The following ZNF541 variants were observed in gnomAD, a reference collection of about 807,000 sequenced individuals.
ZNF541 encodes the protein zinc finger protein 541.
A neutral mutation model predicts 123.5 loss-of-function variants in ZNF541; 23 were observed. That is an observed-to-expected ratio of 0.19 (90% CI 0.13 to 0.26). The LOEUF is 0.26. Ranked by LOEUF, ZNF541 falls within the 10% of genes least tolerant of loss-of-function variation. The probability of loss-of-function intolerance (pLI) is 1.00; values close to 1 mark genes in which losing one functional copy is unlikely to be tolerated. For synonymous variants in ZNF541, 751 were observed against 754.5 expected, an observed-to-expected ratio of 1.00 and a Z score of 0.08; for missense variants, 1,612 against 1,789.9, an observed-to-expected ratio of 0.90 and a Z score of 1.79.
intron 9 of ZNF541, among the ~76,000 whole-genome samples, chr19:47,534,974 CTTT>C: frequency 6.9e-6 from 1 of 144,510 alleles, no homozygotes; most frequent in African/African-American, 2.5e-5. Context: ...TTACAAAGCT[CTTT>C]TTTTTTTTTT....
In ZNF541 at chr19:47,544,727, G is replaced by A. The variant is rs1970245002; in HGVS notation, c.1802C>T (p.Pro601Leu). 6.7e-7 allele frequency: 1 copy of A among 1,502,128 alleles called. No individual in the cohort carries two copies. Among genetic ancestry groups the A allele is most frequent in the Non-Finnish European group, 8.9e-7 (1 of 1,127,832 alleles). 93.0% of individuals were successfully genotyped at this position (1,502,128 alleles called of 1,614,324 possible). A position where few individuals can be genotyped will look rare whatever the true frequency, so the allele number is the denominator to read the frequency against. ...RPLQGPWPQQ[P>L]PPLAPAVDSL... The stretch of plus-strand genomic sequence containing the variant: ...GTCCACAGCAGGAGCCAGTGGTGGG[G>A]GCTGCTGCGGCCACGGCCCCTGCAG... Residue 601 changes from proline to leucine, a missense_variant, in exon 5 of 17, where the codon CCC (proline) becomes CTC (leucine). Pro to Leu is a moderately conservative substitution (Grantham distance 98). Around this residue, in one of 5 missense-constraint regions of ZNF541, gnomAD observed 1,080 missense variants for 1,013.8 expected, o/e 1.07. Transcript: ENST00000391901.
In ZNF541 at chr19:47,521,421, G is replaced by A. The variant is rs113277372; in HGVS notation, c.3888-44C>T. The A allele has an allele frequency of 2.6e-6, 4 of 1,550,624 alleles. No homozygotes were observed. The African/African-American group carries it at 5.5e-5, about 21-fold the overall frequency. The stretch of plus-strand genomic sequence containing the variant: ...ACATGGGGTCAGAGCAGGGAGGAAG[G>A]GATCACAGGGGCTGAGGCTGGGAGC... On this transcript the variant is annotated intron_variant, in intron 16 of 16. Transcript: ENST00000391901. This position sits in a 1 kb window ranked among gnomAD's most constrained non-coding sequence, Gnocchi z 4.2.
rs1216657665 is a variant in ZNF541 at position 47,532,363 on chromosome 19, CCA to C, written c.3159-95_3159-94del. On this transcript the variant is annotated intron_variant, in intron 10 of 16. Transcript: ENST00000391901. ...ACGCTCTGTATGCCCTGCTCTTGGG[CCA>C]CAGCCTGCTCCATGGAAACCCTCTG... 6 of 1,408,078 alleles carry C rather than the reference CCA, an allele frequency of 4.3e-6. No homozygotes were observed. In the African/African-American group the frequency reaches 8.5e-5, roughly 20 times the overall value. 87.2% of individuals were successfully genotyped at this position (1,408,078 alleles called of 1,614,324 possible).
chr19:47,553,800 A>G (rs1039108758), intron 3 of ZNF541, among the ~76,000 whole-genome samples: 2 of 152,308 alleles, frequency 1.3e-5, no homozygotes, highest in South Asian at 4.1e-4. Flanking sequence ...TCAGCCTCCC[A>G]AAGTACTAGG....
At chr19:47,533,496 G>A (rs1343173915) in intron 9 of ZNF541, among the ~76,000 whole-genome samples, 1 of 148,220 alleles carries the variant, frequency 6.7e-6, no homozygotes, top group Non-Finnish European at 1.5e-5. Context: ...GCACACTAAA[G>A]TCTCTGGAAA....
chr19:47,531,243 G>C (rs867210535), intron 12 of ZNF541, among the ~76,000 whole-genome samples: 1 of 149,834 alleles, frequency 6.7e-6, no homozygotes, highest in Non-Finnish European at 1.5e-5. Flanking sequence ...GGGGGGGGGG[G>C]GGGGGGTCCT....
chr19:47,555,100 T>G (rs1320547388), intron 3 of ZNF541, among the ~76,000 whole-genome samples: 1 of 147,840 alleles, frequency 6.8e-6, no homozygotes, highest in Non-Finnish European at 1.5e-5. Context: ...CCGGGTGCGG[T>G]GGCTCATGCC....
At chr19:47,560,462 G>T (rs989224019) in intron 2 of ZNF541, among the ~76,000 whole-genome samples, 3 of 151,712 alleles carry the variant, frequency 2.0e-5, no homozygotes, top group Non-Finnish European at 2.9e-5. Context: ...TGTAATCCCA[G>T]CTGCTTGGGA....
chr19:47,541,604 C>A (rs1254349108), intron 5 of ZNF541, among the ~76,000 whole-genome samples: 1 of 152,110 alleles, frequency 6.6e-6, no homozygotes, highest in Admixed American at 6.6e-5. Flanking sequence ...AGGACCTGAA[C>A]AGACATTTCT....
At chr19:47,549,571 C>A in intron 3 of ZNF541, 86 bp from the exon 4 acceptor site, 1 of 1,512,060 alleles carries the variant, frequency 6.6e-7, no homozygotes. Context: ...CCTCTTAGAA[C>A]CATGGTGGCC....
intron 14 of ZNF541, among the ~76,000 whole-genome samples, chr19:47,526,162 A>G (rs1969284907): frequency 1.3e-5 from 2 of 152,256 alleles, no homozygotes; most frequent in Middle Eastern, 3.4e-3. Flanking sequence ...TCCTGAATCA[A>G]TAAAGAACTG....
In ZNF541 at chr19:47,521,056, G is replaced by T; in HGVS notation, c.*168C>A. On this transcript the variant is annotated 3_prime_UTR_variant, in exon 17 of 17. Coordinates refer to ENST00000391901, the MANE Select transcript of ZNF541 (RefSeq NM_001277075.3). The surrounding 1 kb of genome is among the most constrained non-coding windows in gnomAD (Gnocchi z 4.2). ...GACTGCATAGCTGTCCGACAACTGA[G>T]CTCCTCCTGCCTATCTGTGGCCAAA... The T allele has an allele frequency of 1.3e-6, 1 of 770,668 alleles. No individual in the cohort carries two copies. The highest frequency in any genetic ancestry group is 3.8e-4 in the Middle Eastern group (1 of 2,636). The allele number at this position is 770,668 out of a possible 1,614,324, so 47.7% of individuals were successfully genotyped here.
At chr19:47,528,098 T>C (rs1406063875) in intron 14 of ZNF541, among the ~76,000 whole-genome samples, 1 of 135,078 alleles carries the variant, frequency 7.4e-6, no homozygotes, top group Non-Finnish European at 1.6e-5. Context: ...GTGGATCACC[T>C]GAGGTCGGGG....
chr19:47,522,701 C>T (rs963581516), intron 14 of ZNF541, among the ~76,000 whole-genome samples: 11 of 148,714 alleles, frequency 7.4e-5, no homozygotes, highest in East Asian at 6.0e-4. Context: ...GATGCTGAGG[C>T]GAGATGATCG....
chr19:47,542,277 G>A (rs188071340), intron 5 of ZNF541, among the ~76,000 whole-genome samples: 8 of 152,254 alleles, frequency 5.3e-5, no homozygotes, highest in Admixed American at 4.6e-4. Flanking sequence ...TTCCTTTTGG[G>A]GAGATGAAAC....
At chr19:47,561,312 C>T (rs561500304) in intron 2 of ZNF541, among the ~76,000 whole-genome samples, 3 of 152,054 alleles carry the variant, frequency 2.0e-5, no homozygotes, top group African/African-American at 7.2e-5. Context: ...GTGGCACATG[C>T]TTGTGGTTTC....
At chr19:47,530,410 A>C (rs1969512981) in intron 12 of ZNF541, among the ~76,000 whole-genome samples, 1 of 145,318 alleles carries the variant, frequency 6.9e-6, no homozygotes, top group Admixed American at 7.1e-5. Flanking sequence ...TCTCGAACTC[A>C]CGACCTCAGG....
intron 14 of ZNF541, among the ~76,000 whole-genome samples, chr19:47,522,354 C>A (rs1195258219): frequency 4.6e-5 from 7 of 152,168 alleles, no homozygotes; most frequent in Admixed American, 4.6e-4. Flanking sequence ...ACAGACATTA[C>A]AACAGCTAGG....
intron 4 of ZNF541, among the ~76,000 whole-genome samples, chr19:47,548,724 G>T (rs1029607689): frequency 6.6e-6 from 1 of 152,168 alleles, no homozygotes; most frequent in Admixed American, 6.6e-5. Flanking sequence ...TCACAGGCGT[G>T]AATTTAGGGG....
Sources: allele counts gnomAD v4.1 joint callset (sites outside exome capture counted in the v4.1 genomes callset), GRCh38; gene constraint gnomAD v4.1.1; regional missense constraint gnomAD v4.1.1; non-coding constraint Gnocchi (gnomAD v3.1); transcripts MANE v1.5; gene names NCBI Gene and HGNC (gene_info 2026-07-23, HGNC 2026-07-21).